SLC35A2: variants seen among roughly 807,000 people sequenced by gnomAD.
The protein encoded by SLC35A2 is solute carrier family 35 member A2, also known as UDP-galactose translocator.
Under a neutral mutation model 17.3 loss-of-function variants are expected in SLC35A2, and 1 was observed. The ratio of observed to expected loss-of-function variants is 0.06; its 90% CI spans 0.02 to 0.27. SLC35A2 has a LOEUF of 0.27. SLC35A2 is among the 10% of genes least tolerant of loss of function. The pLI, the probability that SLC35A2 is intolerant of heterozygous loss-of-function variation, is 1.00. For synonymous variants in SLC35A2, 161 were observed against 161.3 expected (o/e 1.00, Z 0.01); for missense variants, 191 against 339.3 (o/e 0.56, Z 3.43).
upstream of SLC35A2, chrX:48,911,901 C>A (rs1557044230): frequency 3.4e-6 from 4 of 1,167,605 alleles, no homozygotes; most frequent in South Asian, 1.9e-5. Flanking sequence ...TCACTAGACC[C>A]GCCTTATCCT....
At chrX:48,906,638 A>G (rs2063492706) in intron 2 of SLC35A2, 95 bp from the exon 3 acceptor site, 5 of 794,222 alleles carry the variant, frequency 6.3e-6, no homozygotes, top group Non-Finnish European at 7.5e-6. Flanking sequence ...TGACTCCCCC[A>G]TCCACCCTGC....
At chrX:48,904,447 T>C (rs1202981960) in intron 4 of SLC35A2, 2 of 1,091,971 alleles carry the variant, frequency 1.8e-6, no homozygotes, top group Non-Finnish European at 2.4e-6. Flanking sequence ...AGGCCTTGAA[T>C]GACAATACCC....
chrX:48,909,363 G>C (rs1015926150), intron 2 of SLC35A2, among the ~76,000 whole-genome samples: 1 of 112,785 alleles, frequency 8.9e-6, no homozygotes. Context: ...ATATTACTTC[G>C]TGTGGGATTT....
upstream of SLC35A2, chrX:48,911,729 C>A (rs2063537770): frequency 8.7e-7 from 1 of 1,155,375 alleles, no homozygotes; most frequent in Non-Finnish European, 1.2e-6. Context: ...GAAGGTGGAG[C>A]GAGAGCCGGG....
chrX:48,906,315 C>T (rs782690704), intron 3 of SLC35A2, 77 bp downstream of exon 3: 1 of 964,632 alleles, frequency 1.0e-6, no homozygotes, highest in African/African-American at 1.9e-5. Context: ...CTGCAACACC[C>T]CCCCACCACG....
upstream of SLC35A2, chrX:48,911,710 C>G (rs1398993145): frequency 2.6e-6 from 3 of 1,154,759 alleles, no homozygotes; most frequent in Admixed American, 7.9e-5. Flanking sequence ...GCTGCCGGGC[C>G]ACCTGAGTGA....
upstream of SLC35A2, chrX:48,911,920 T>A (rs1258039238): frequency 8.6e-7 from 1 of 1,166,146 alleles, no homozygotes; most frequent in African/African-American, 1.8e-5. Flanking sequence ...CTGCCGTTCG[T>A]CCGCTTCACT....
chrX:48,904,157 G>T, intron 4 of SLC35A2: 2 of 778,539 alleles, frequency 2.6e-6, no homozygotes, highest in Middle Eastern at 1.4e-3. Context: ...TCTCCCTGGG[G>T]ACTCACAAGA....
chrX:48,906,464 G>A lies in SLC35A2; in HGVS notation c.354C>T (p.Pro118=). 1 of 1,209,014 alleles carries A rather than the reference G, an allele frequency of 8.3e-7. No homozygotes were observed. Among genetic ancestry groups the A allele is most frequent in the Non-Finnish European group, 1.1e-6 (1 of 892,964 alleles). ...QYVDTLKLAV[P]SLIYTLQNNL... ...TATTCTGCAAGGTGTAGATGAGAGA[G>A]GGCACTGCGAGCTTGAGCGTGTCCA... The change falls in exon 3 of 5, where the codon CCC becomes CCT. Residue 118 remains proline (P), a synonymous_variant. Coordinates refer to ENST00000247138, the MANE Select transcript of SLC35A2 (RefSeq NM_005660.3).
At chrX:48,909,197 C>T (rs1193008776) in intron 2 of SLC35A2, among the ~76,000 whole-genome samples, 2 of 112,112 alleles carry the variant, frequency 1.8e-5, no homozygotes, top group Non-Finnish European at 3.8e-5. Context: ...CTGAGGTGGG[C>T]GGATCACGAG....
Position 48,909,898 on chromosome X carries a change from G to A in SLC35A2, c.190C>T (p.Arg64Cys), listed in dbSNP as rs2063519190. Residue 64 changes from arginine (R) to cysteine (C), a missense_variant, in exon 2 of 5, where the codon CGC becomes TGC. By Grantham distance (180) the Arg-to-Cys change is radical. Coordinates refer to ENST00000247138, the MANE Select transcript of SLC35A2 (RefSeq NM_005660.3). ...IRYARTLPGDRFFATTAVVMA... is the reference protein window; with the variant it reads ...IRYARTLPGDCFFATTAVVMA... ...ACCACAGCAGTGGTGGCAAAGAAGC[G>A]GTCCCCTGGCAACGTGCGGGCGTAG... 1.7e-6 allele frequency: 2 copies of A among 1,210,276 alleles called. No individual in the cohort carries two copies. Among genetic ancestry groups the A allele is most frequent in the Non-Finnish European group, 2.2e-6 (2 of 894,550 alleles).
rs781880997 is a variant in SLC35A2, at chrX:48,909,202, C to G, written c.274+612G>C. On this transcript the variant is annotated intron_variant, in intron 2 of 4. Transcript: ENST00000247138. ...CTTTGGGAGGCTGAGGTGGGCGGAT[C>G]ACGAGGTCAGGAGTTCGAGACCATC... Among the ~76,000 whole-genome samples, 78 of 112,402 alleles carry G rather than the reference C, an allele frequency of 6.9e-4. 1 individual carries two copies. In the Admixed American group the frequency reaches 7.3e-3, roughly 11 times the overall value.
In SLC35A2 at chrX:48,903,383, G is replaced by A. The variant is rs1557042104; in HGVS notation, c.*55C>T. Reference sequence around the variant, plus strand: ...TACTGATCAGAGTTTGGTCCCAGCTGGGCCAAGGGCAAGAAGAGAGAACGA... The same window carrying A: ...TACTGATCAGAGTTTGGTCCCAGCTAGGCCAAGGGCAAGAAGAGAGAACGA... On this transcript the variant is annotated 3_prime_UTR_variant, in exon 5 of 5. Coordinates refer to ENST00000247138, the MANE Select transcript of SLC35A2 (RefSeq NM_005660.3). 2 of 578,579 alleles carry A rather than the reference G, an allele frequency of 3.5e-6. No homozygotes were observed. Among genetic ancestry groups the A allele is most frequent in the Admixed American group, 4.5e-5 (2 of 44,811 alleles). The allele number at this position is 578,579 out of a possible 1,213,427, so 47.7% of individuals were successfully genotyped here.
chrX:48,910,709 T>C (rs1375937028), intron 1 of SLC35A2, among the ~76,000 whole-genome samples: 1 of 110,963 alleles, frequency 9.0e-6, no homozygotes, highest in Non-Finnish European at 1.9e-5. Flanking sequence ...CTCACTCCTG[T>C]GACAACTGGT....
At chrX:48,911,125 C>T (rs1054845931) in intron 1 of SLC35A2, among the ~76,000 whole-genome samples, 1 of 110,881 alleles carries the variant, frequency 9.0e-6, no homozygotes, top group Non-Finnish European at 1.9e-5. Flanking sequence ...TCTCTAGTCA[C>T]ATAAAGAAGG....
chrX:48,904,662 C>T (rs1557042560), intron 4 of SLC35A2, 84 bp downstream of exon 4: 1 of 1,209,786 alleles, frequency 8.3e-7, no homozygotes, highest in South Asian at 1.8e-5. Flanking sequence ...GACTTGGGTC[C>T]TGCAGATGCC....
At chrX:48,907,782 G>A (rs1305605561) in intron 2 of SLC35A2, among the ~76,000 whole-genome samples, 1 of 111,831 alleles carries the variant, frequency 8.9e-6, no homozygotes, top group Non-Finnish European at 1.9e-5. Context: ...AACACTTTGG[G>A]AGGTTAAGGT....
chrX:48,911,928 A>C (rs1305220003), upstream of SLC35A2: 2 of 1,166,890 alleles, frequency 1.7e-6, no homozygotes, highest in Non-Finnish European at 2.3e-6. Flanking sequence ...CGTCCGCTTC[A>C]CTGATCGCGC....
intron 2 of SLC35A2, among the ~76,000 whole-genome samples, chrX:48,907,375 G>C (rs2063498663): frequency 9.4e-6 from 1 of 106,242 alleles, no homozygotes; most frequent in African/African-American, 3.4e-5. Context: ...AGCCTCCCAA[G>C]TAGCTTGGAC....
Sources: gnomAD v4.1 joint callset for allele counts (sites outside exome capture counted in the v4.1 genomes callset) on GRCh38, gnomAD v4.1.1 for gene constraint, MANE v1.5 for transcripts, NCBI Gene and HGNC (gene_info 2026-07-23, HGNC 2026-07-21) for gene names.